The following INSR variants were observed in gnomAD, a reference collection of about 807,000 sequenced individuals.
INSR encodes insulin receptor.
A neutral mutation model predicts 142.6 loss-of-function variants in INSR; 67 were observed. That is an observed-to-expected ratio of 0.47 (90% CI 0.39 to 0.58). The LOEUF (loss-of-function observed/expected upper bound fraction) is 0.58, where lower values mean the gene tolerates loss of function less well. INSR is among the 20% of genes least tolerant of loss of function. INSR has a pLI of 0.00. For missense variants in INSR, 1,248 were observed against 1,833.2 expected, an observed-to-expected ratio of 0.68 and a Z score of 5.83; for synonymous variants, 756 against 743.1, an observed-to-expected ratio of 1.02 and a Z score of -0.28.
chr19:7,133,196 AG>A (rs1972828514), intron 13 of INSR, among the ~76,000 whole-genome samples: 1 of 152,174 alleles, frequency 6.6e-6, no homozygotes, highest in Non-Finnish European at 1.5e-5. Context: ...CAGGAGGTCA[AG>A]GGTGCAGTGA....
At chr19:7,279,481 G>A (rs945979360) in intron 1 of INSR, among the ~76,000 whole-genome samples, 5 of 149,394 alleles carry the variant, frequency 3.3e-5, no homozygotes, top group African/African-American at 1.2e-4. Context: ...TCGTCAATGA[G>A]CCTGAAGCAT....
chr19:7,153,063 A>C (rs1973438211), intron 9 of INSR, 136 bp from the exon 10 acceptor site: 9 of 473,352 alleles, frequency 1.9e-5, no homozygotes, highest in African/African-American at 4.8e-5. Context: ...CCACACACAC[A>C]CACCACACAC....
chr19:7,227,513 T>G (rs1227566136), intron 2 of INSR, among the ~76,000 whole-genome samples: 1 of 152,108 alleles, frequency 6.6e-6, no homozygotes, highest in Non-Finnish European at 1.5e-5. Context: ...ACTCAAGCGA[T>G]CCGCTTGCCT....
At chr19:7,219,925 C>CTTTT (rs72293727) in intron 2 of INSR, among the ~76,000 whole-genome samples, 1 of 152,086 alleles carries the variant, frequency 6.6e-6, no homozygotes, top group Non-Finnish European at 1.5e-5. Flanking sequence ...GGAAAAATCT[C>CTTTT]TCTATCACTC....
In INSR at chr19:7,166,270, C is replaced by T; in HGVS notation, c.1745G>A (p.Gly582Asp). 6.2e-7 allele frequency: 1 copy of T among 1,614,154 alleles called. No individual in the cohort carries two copies. The highest frequency in any genetic ancestry group is 8.5e-7 in the Non-Finnish European group (1 of 1,180,020). The change falls in exon 8 of 22, where the codon GGT (glycine) becomes GAT (aspartate). Residue 582 changes from glycine to aspartate, a missense_variant. Coordinates refer to ENST00000302850, the MANE Select transcript of INSR (RefSeq NM_000208.4). The surrounding 1 kb of genome is among the most constrained non-coding windows in gnomAD (Gnocchi z 4.1). ...SQNHPGWLMR[G>D]LKPWTQYAIF... ...GGCATACTGGGTCCAGGGCTTGAGA[C>T]CCCGCATCAGCCACCCTGGGTGGTT... is the stretch of plus-strand genomic sequence containing the variant.
At position 7,267,462 on chromosome 19, in the gene INSR, T is replaced by G; in HGVS notation, c.535A>C (p.Asn179His). 1 of 1,614,102 alleles carries G rather than the reference T, an allele frequency of 6.2e-7. No homozygotes were observed. Among genetic ancestry groups the G allele is most frequent in the Admixed American group, 1.7e-5 (1 of 59,990 alleles). Residue 179 changes from asparagine (N) to histidine (H), a missense_variant, in exon 2 of 22, where the codon AAC becomes CAC. Transcript: ENST00000302850. The surrounding 1 kb of genome is among the most constrained non-coding windows in gnomAD (Gnocchi z 6.3). ...DNYIVLNKDD[N>H]EECGDICPGT... ...GGACAGATGTCTCCACACTCCTCGTTGTCATCTTTGTTCAACACGATGTAA... is the reference window on the plus strand; with the variant it reads ...GGACAGATGTCTCCACACTCCTCGTGGTCATCTTTGTTCAACACGATGTAA...
chr19:7,171,452 A>G (rs1287078080), intron 5 of INSR, among the ~76,000 whole-genome samples: 2 of 152,156 alleles, frequency 1.3e-5, no homozygotes, highest in Admixed American at 1.3e-4. Context: ...AAAGATGGAA[A>G]GAATCTGGGT....
At position 7,259,733 on chromosome 19, in the gene INSR, C is replaced by T. The variant is rs550460204; in HGVS notation, c.652+7612G>A. ...ACTCAGGAGGTTGAGGCAGAAGAAT[C>T]GCTTGAACCCAGGAGGCGGAGGTTG... On this transcript the variant is annotated intron_variant, in intron 2 of 21. Coordinates refer to ENST00000302850, the MANE Select transcript of INSR (RefSeq NM_000208.4). Among the ~76,000 whole-genome samples, 104 of 151,800 alleles carry T rather than the reference C, an allele frequency of 6.9e-4. 1 individual carries two copies. The highest frequency in any genetic ancestry group is 2.2e-3 in the African/African-American group (93 of 41,412).
Position 7,237,772 on chromosome 19 carries a change from C to T in INSR, c.652+29573G>A, listed in dbSNP as rs149815021. 9.0e-3 allele frequency among the ~76,000 whole-genome samples: 1,366 copies of T among 151,666 alleles called. 18 individuals are homozygous for T. The highest frequency in any genetic ancestry group is 0.031 in the African/African-American group (1,274 of 41,310). ...TGGAGCTTACAGTGAGCGAAGATGG[C>T]GCCACTGGACTCCAGCCTGGGTGAC... On this transcript the variant is annotated intron_variant, in intron 2 of 21. Transcript: ENST00000302850.
intron 2 of INSR, among the ~76,000 whole-genome samples, chr19:7,263,240 C>T (rs991841675): frequency 2.6e-5 from 4 of 151,678 alleles, no homozygotes; most frequent in African/African-American, 9.7e-5. Flanking sequence ...GATCACACCA[C>T]TGCCCCCCAG....
intron 2 of INSR, among the ~76,000 whole-genome samples, chr19:7,247,616 T>C (rs10404318): frequency 0.049 from 7,429 of 152,260 alleles, 461 homozygotes; most frequent in African/African-American, 0.14. Context: ...AGAGGGGATA[T>C]ACCAGTTCAA....
chr19:7,267,309 C>T lies in INSR; in HGVS notation c.652+36G>A, dbSNP rs1600111149. ...ATTTTAAGCTTTCTAGAACAAGGCACGAGACACTGCTTAGAACCCTGTATC... is the reference window on the plus strand; with the variant it reads ...ATTTTAAGCTTTCTAGAACAAGGCATGAGACACTGCTTAGAACCCTGTATC... On this transcript the variant is annotated intron_variant, in intron 2 of 21. Transcript: ENST00000302850. This position sits in a 1 kb window ranked among gnomAD's most constrained non-coding sequence, Gnocchi z 6.3. 5 of 1,604,866 alleles carry T rather than the reference C, an allele frequency of 3.1e-6. No individual in the cohort carries two copies. The highest frequency in any genetic ancestry group is 1.7e-5 in the Admixed American group (1 of 59,974).
chr19:7,129,750 T>G (rs552152210), intron 14 of INSR, among the ~76,000 whole-genome samples: 3 of 152,066 alleles, frequency 2.0e-5, no homozygotes, highest in African/African-American at 7.2e-5. Context: ...TAATTTTTAT[T>G]TTTTAGAGAC....
At position 7,225,683 on chromosome 19, in the gene INSR, G is replaced by A. The variant is rs1002227126; in HGVS notation, c.653-41046C>T. 1.5e-5 allele frequency among the ~76,000 whole-genome samples: 2 copies of A among 137,008 alleles called. No individual in the cohort carries two copies. The highest frequency in any genetic ancestry group is 5.7e-5 in the African/African-American group (2 of 35,350). 89.9% of individuals were successfully genotyped at this position (137,008 alleles called of 152,430 possible). Reference sequence around the variant, plus strand: ...CACAGAGCCACGAGGCTGATGATGGGCTCTTGGTTTCCATTTCCCCCCCCT... The same window carrying A: ...CACAGAGCCACGAGGCTGATGATGGACTCTTGGTTTCCATTTCCCCCCCCT... On this transcript the variant is annotated intron_variant, in intron 2 of 21. Coordinates refer to ENST00000302850, the MANE Select transcript of INSR (RefSeq NM_000208.4). The surrounding 1 kb of genome is among the most constrained non-coding windows in gnomAD (Gnocchi z 4.7).
intron 2 of INSR, among the ~76,000 whole-genome samples, chr19:7,191,974 A>G (rs973829913): frequency 3.4e-5 from 5 of 146,832 alleles, no homozygotes; most frequent in African/African-American, 1.3e-4. Context: ...GAAGGAGGGA[A>G]GGAAGGAGGG....
rs368724362 is a variant in INSR, at chr19:7,178,650, T to C, written c.975-3919A>G. 7.9e-5 allele frequency among the ~76,000 whole-genome samples: 12 copies of C among 152,244 alleles called. No homozygotes were observed. In the South Asian group the frequency reaches 8.3e-4, roughly 11 times the overall value. ...AGGAGAATTGTTTGAACCTGGGATG[T>C]GGAGGTTGCAGTGAGCTGAGATTGA... On this transcript the variant is annotated intron_variant, in intron 3 of 21. Coordinates refer to ENST00000302850, the MANE Select transcript of INSR (RefSeq NM_000208.4).
chr19:7,229,019 GTGGATGGA>G (rs1212995365), intron 2 of INSR, among the ~76,000 whole-genome samples: 1 of 131,210 alleles, frequency 7.6e-6, no homozygotes, highest in African/African-American at 3.2e-5. Flanking sequence ...GTCTGGGTGG[GTGGATGGA>G]TGGATGAATG....
At chr19:7,118,914 CAAAAAAAAAAAA>C (rs59739401) in intron 21 of INSR, among the ~76,000 whole-genome samples, 2 of 68,896 alleles carry the variant, frequency 2.9e-5, no homozygotes, top group Non-Finnish European at 5.4e-5. Context: ...GATTCCGTCT[CAAAAAAAAAAAA>C]AAAAAAAAAA....
intron 2 of INSR, among the ~76,000 whole-genome samples, chr19:7,214,416 T>A (rs1297220396): frequency 6.6e-6 from 1 of 152,172 alleles, no homozygotes; most frequent in Non-Finnish European, 1.5e-5. Context: ...GGGAACCAGA[T>A]GTTAGCATTA....
Sources: gnomAD v4.1 joint callset for allele counts (sites outside exome capture counted in the v4.1 genomes callset) on GRCh38, gnomAD v4.1.1 for gene constraint, Gnocchi (gnomAD v3.1) non-coding constraint, MANE v1.5 for transcripts, NCBI Gene and HGNC (gene_info 2026-07-23, HGNC 2026-07-21) for gene names.